MAP3K9: variants seen among roughly 807,000 people sequenced by gnomAD.
The protein encoded by MAP3K9 is mixed lineage kinase 1 (tyr and ser/thr specificity).
MAP3K9 carries 46 observed loss-of-function variants against 95.8 expected under a neutral mutation model. The ratio of observed to expected loss-of-function variants is 0.48; its 90% CI spans 0.38 to 0.61. The LOEUF (loss-of-function observed/expected upper bound fraction) is 0.61. Ranked by LOEUF, MAP3K9 falls within the 20% of genes least tolerant of loss-of-function variation. The pLI is 0.00. For missense variants in MAP3K9, 1,296 were observed against 1,474.3 expected (o/e 0.88, Z 1.98); for synonymous variants, 533 against 593.8 (o/e 0.90, Z 1.49).
chr14:70,748,063 T>C (rs4902845), intron 5 of MAP3K9, among the ~76,000 whole-genome samples: 131,076 of 148,856 alleles, frequency 0.88, 57,777 homozygotes, highest in Middle Eastern at 0.93. Context: ...GCTGAGATCG[T>C]GCCACTGCAC....
chr14:70,749,141 C>T, intron 4 of MAP3K9, 137 bp from the exon 5 acceptor site: 1 of 792,514 alleles, frequency 1.3e-6, no homozygotes, highest in Non-Finnish European at 2.0e-6. Context: ...ATTTAGGTAA[C>T]CTCAAATAAG....
At chr14:70,766,969 C>T (rs2054463795) in intron 2 of MAP3K9, among the ~76,000 whole-genome samples, 1 of 152,170 alleles carries the variant, frequency 6.6e-6, no homozygotes, top group Non-Finnish European at 1.5e-5. Context: ...ATATGGGTGT[C>T]ATCATTTCCG....
chr14:70,733,310 C>G lies in MAP3K9; in HGVS notation c.2059G>C (p.Glu687Gln), dbSNP rs745505569. The G allele has an allele frequency of 1.5e-5, 23 of 1,543,438 alleles. No individual in the cohort carries two copies. Among genetic ancestry groups the G allele is most frequent in the Non-Finnish European group, 2.0e-5 (22 of 1,125,088 alleles). ...DEDSEGPGSG[E>Q]SRLQHSPSQS... is the part of the protein sequence containing the mutation. ...CTGGGTGAATGCTGTAGGCGACTCT[C>G]TCCACTCCCTGGGCCTTCACTGTCC... The change falls in exon 11 of 12, where the codon GAG becomes CAG. Residue 687 changes from glutamate to glutamine, a missense_variant. This residue lies in a region of MAP3K9 where 377 missense variants were observed against 417.1 expected (regional missense o/e 0.90). Coordinates refer to ENST00000554752, the MANE Select transcript of MAP3K9 (RefSeq NM_001284230.2).
chr14:70,760,859 G>T, intron 3 of MAP3K9, 143 bp downstream of exon 3: 1 of 792,626 alleles, frequency 1.3e-6, no homozygotes, highest in Non-Finnish European at 2.0e-6. Flanking sequence ...TATGGGAATT[G>T]GCATAGATGA....
Position 70,729,029 on chromosome 14 carries a change from A to C in MAP3K9, c.*1351T>G, listed in dbSNP as rs1376025822. 6.6e-6 allele frequency: 1 copy of C among 152,310 alleles called. No individual in the cohort carries two copies. Among genetic ancestry groups the C allele is most frequent in the Non-Finnish European group, 1.5e-5 (1 of 68,126 alleles). The allele number at this position is 152,310 out of a possible 1,614,324, so 9.4% of individuals were successfully genotyped here. A position where few individuals can be genotyped will look rare whatever the true frequency, so the allele number is the denominator to read the frequency against. ...AGGAAGCTCAACATTCAAGTTAAGG[A>C]AACAACTTCCAGGAAGGTCAGGGTT... is the stretch of plus-strand genomic sequence containing the variant. On this transcript the variant is annotated 3_prime_UTR_variant, in exon 12 of 12. Transcript: ENST00000554752.
At chr14:70,745,094 C>T (rs1480039804) in intron 5 of MAP3K9, among the ~76,000 whole-genome samples, 1 of 152,120 alleles carries the variant, frequency 6.6e-6, no homozygotes, top group African/African-American at 2.4e-5. Flanking sequence ...ATGCTGGTTA[C>T]CCTGGGCCTT....
At chr14:70,751,268 C>G (rs1379068124) in intron 3 of MAP3K9, among the ~76,000 whole-genome samples, 1 of 152,200 alleles carries the variant, frequency 6.6e-6, no homozygotes, top group Non-Finnish European at 1.5e-5. Context: ...CAGACACAAT[C>G]ACACAGCACT....
At chr14:70,780,212 T>C (rs1416542164) in intron 2 of MAP3K9, among the ~76,000 whole-genome samples, 4 of 152,190 alleles carry the variant, frequency 2.6e-5, no homozygotes, top group African/African-American at 9.7e-5. Context: ...TGTGCCCACA[T>C]CCATGCCTGC....
At chr14:70,737,871 G>A (rs1464452875) in intron 8 of MAP3K9, among the ~76,000 whole-genome samples, 1 of 152,146 alleles carries the variant, frequency 6.6e-6, no homozygotes, top group Non-Finnish European at 1.5e-5. Flanking sequence ...TAACTGGTGG[G>A]TTAAACCCTG....
chr14:70,741,081 T>A (rs2139729405), intron 6 of MAP3K9, among the ~76,000 whole-genome samples: 1 of 152,220 alleles, frequency 6.6e-6, no homozygotes, highest in Admixed American at 6.5e-5. Context: ...GACCATTCTT[T>A]CTTTGTTCCT....
chr14:70,808,700 C>A (rs1230108340), intron 1 of MAP3K9, 66 bp downstream of exon 1: 17 of 777,334 alleles, frequency 2.2e-5, no homozygotes, highest in East Asian at 1.8e-4. Flanking sequence ...AGTGCTCCCC[C>A]CTTCCCCGAC....
intron 5 of MAP3K9, among the ~76,000 whole-genome samples, chr14:70,747,201 A>G (rs902164046): frequency 6.6e-6 from 1 of 152,320 alleles, no homozygotes; most frequent in Admixed American, 6.5e-5. Flanking sequence ...CCTAAATCTC[A>G]TCTTGAATTG....
chr14:70,789,672 G>A (rs145176593), intron 2 of MAP3K9, among the ~76,000 whole-genome samples: 2 of 152,156 alleles, frequency 1.3e-5, no homozygotes, highest in South Asian at 2.1e-4. Flanking sequence ...ATTAGACCAC[G>A]GTGGTTCCCA....
chr14:70,753,807 T>C (rs2054262597), intron 3 of MAP3K9, among the ~76,000 whole-genome samples: 1 of 152,180 alleles, frequency 6.6e-6, no homozygotes. Flanking sequence ...CCTTCAACCA[T>C]TTCCTAGGAT....
intron 1 of MAP3K9, among the ~76,000 whole-genome samples, chr14:70,808,485 G>A (rs1272179568): frequency 6.6e-6 from 1 of 152,268 alleles, no homozygotes; most frequent in East Asian, 1.9e-4. Context: ...CAAATTCTCA[G>A]ACTGGGACTT....
intron 2 of MAP3K9, among the ~76,000 whole-genome samples, chr14:70,766,025 C>T (rs1431711381): frequency 2.0e-5 from 3 of 151,892 alleles, no homozygotes; most frequent in Non-Finnish European, 4.4e-5. Context: ...GAACTAAAGA[C>T]CCAGTGATTA....
rs747871429 is a variant in MAP3K9, at chr14:70,733,168, G to A, written c.2201C>T (p.Thr734Met). ...GCCCCGCTTGAGGCTGTTGGTTGGC[G>A]TCAGCTGAGGGGTACTCGTGGCCGA... ...VNSATSTPQL[T>M]PTNSLKRGGA... The change falls in exon 11 of 12, where the codon ACG becomes ATG. Residue 734 changes from threonine to methionine, a missense_variant. By Grantham distance (81) the Thr-to-Met change is moderately conservative (BLOSUM62 -1). Transcript: ENST00000554752. 20 of 1,611,528 alleles carry A rather than the reference G, an allele frequency of 1.2e-5. No individual in the cohort carries two copies. Among genetic ancestry groups the A allele is most frequent in the Admixed American group, 3.3e-5 (2 of 59,886 alleles).
chr14:70,755,434 T>C (rs1449305088), intron 3 of MAP3K9, among the ~76,000 whole-genome samples: 1 of 152,274 alleles, frequency 6.6e-6, no homozygotes, highest in Non-Finnish European at 1.5e-5. Context: ...GTCTGCCACC[T>C]GGGTGAACTT....
chr14:70,742,610 C>T lies in MAP3K9; in HGVS notation c.1327-19G>A, dbSNP rs142427784. On this transcript the variant is annotated intron_variant, in intron 5 of 11. Transcript: ENST00000554752. ...GAAGTTCCTGCAGGATGGGCAGAAC[C>T]ATCAGAGAAAAGACTGGGGTGCTCA... The T allele has an allele frequency of 1.2e-6, 2 of 1,611,590 alleles. No homozygotes were observed. The highest frequency in any genetic ancestry group is 1.3e-5 in the African/African-American group (1 of 75,004).
Sources: gnomAD v4.1 joint callset for allele counts (sites outside exome capture counted in the v4.1 genomes callset) on GRCh38, gnomAD v4.1.1 for gene constraint, gnomAD v4.1.1 regional missense constraint, MANE v1.5 for transcripts, NCBI Gene and HGNC (gene_info 2026-07-23, HGNC 2026-07-21) for gene names.